The following GRID2 variants were observed in gnomAD, a reference collection of about 807,000 sequenced individuals.
GRID2 encodes the protein glutamate ionotropic receptor delta type subunit 2.
GRID2 carries 33 observed loss-of-function variants against 114.8 expected under a neutral mutation model. The ratio of observed to expected loss-of-function variants is 0.29; its 90% confidence interval spans 0.22 to 0.38. GRID2 has a LOEUF of 0.38. Ranked by LOEUF, GRID2 falls within the 10% of genes least tolerant of loss-of-function variation. The pLI, the probability that GRID2 is intolerant of heterozygous loss-of-function variation, is 1.00. For synonymous variants in GRID2, 505 were observed against 449.9 expected (o/e 1.12, Z -1.55); for missense variants, 1,184 against 1,257.7 (o/e 0.94, Z 0.89).
At chr4:92,591,348 AC>A (rs1651532271) in intron 2 of GRID2, among the ~76,000 whole-genome samples, 1 of 152,162 alleles carries the variant, frequency 6.6e-6, no homozygotes, top group African/African-American at 2.4e-5. Flanking sequence ...AATTTATGTT[AC>A]TTATAAATTA....
chr4:92,662,631 T>C (rs1420718881), intron 2 of GRID2, among the ~76,000 whole-genome samples: 1 of 151,204 alleles, frequency 6.6e-6, no homozygotes, highest in Admixed American at 6.6e-5. Context: ...ATTGGGATAT[T>C]ATTGTGAATC....
intron 1 of GRID2, among the ~76,000 whole-genome samples, chr4:92,384,580 A>AT (rs1729818850): frequency 1.7e-5 from 1 of 57,986 alleles, no homozygotes; most frequent in Non-Finnish European, 3.0e-5. Flanking sequence ...TATATAAAAT[A>AT]TATTATATTA....
At chr4:92,431,157 G>A (rs929398779) in intron 1 of GRID2, among the ~76,000 whole-genome samples, 7 of 152,178 alleles carry the variant, frequency 4.6e-5, no homozygotes, top group Non-Finnish European at 8.8e-5. Flanking sequence ...TACAAGTGGT[G>A]AAAGTGGGCA....
chr4:93,440,740 G>A (rs1322351320), intron 10 of GRID2, among the ~76,000 whole-genome samples: 1 of 152,106 alleles, frequency 6.6e-6, no homozygotes, highest in Non-Finnish European at 1.5e-5. Context: ...AAATTATGTA[G>A]ATGCAAATGA....
At chr4:93,189,150 G>A (rs933184601) in intron 4 of GRID2, among the ~76,000 whole-genome samples, 1 of 152,112 alleles carries the variant, frequency 6.6e-6, no homozygotes, top group African/African-American at 2.4e-5. Context: ...TGTTATAGCA[G>A]CACCCCAGTT....
chr4:93,409,757 C>A (rs931948219), intron 9 of GRID2, among the ~76,000 whole-genome samples: 1 of 152,178 alleles, frequency 6.6e-6, no homozygotes, highest in Non-Finnish European at 1.5e-5. Context: ...AGAATATGAA[C>A]TTCAGCACCA....
chr4:92,546,602 G>T (rs534454666), intron 1 of GRID2, among the ~76,000 whole-genome samples: 1 of 152,290 alleles, frequency 6.6e-6, no homozygotes, highest in Non-Finnish European at 1.5e-5. Flanking sequence ...ACGTAGTTGT[G>T]TTTTTCAAAA....
chr4:92,501,893 G>C (rs1318141581), intron 1 of GRID2, among the ~76,000 whole-genome samples: 1 of 152,132 alleles, frequency 6.6e-6, no homozygotes, highest in Non-Finnish European at 1.5e-5. Context: ...GATGACATAT[G>C]AAACAGTTTG....
intron 10 of GRID2, among the ~76,000 whole-genome samples, chr4:93,437,240 T>A (rs929027907): frequency 6.6e-6 from 1 of 152,150 alleles, no homozygotes; most frequent in African/African-American, 2.4e-5. Context: ...GTACTACTAT[T>A]ATCTCAATGT....
intron 1 of GRID2, among the ~76,000 whole-genome samples, chr4:92,519,380 C>T (rs1724660196): frequency 6.6e-6 from 1 of 151,510 alleles, no homozygotes; most frequent in Non-Finnish European, 1.5e-5. Flanking sequence ...CTAAAAATTA[C>T]CCTACCTAGA....
chr4:92,992,919 G>A (rs575980422), intron 2 of GRID2, among the ~76,000 whole-genome samples: 1 of 151,922 alleles, frequency 6.6e-6, no homozygotes. Flanking sequence ...ATTTTTCCCA[G>A]AGCTCTGCTA....
intron 1 of GRID2, among the ~76,000 whole-genome samples, chr4:93,786,544 CTG>C (rs1734595288): frequency 6.6e-6 from 1 of 152,146 alleles, no homozygotes; most frequent in African/African-American, 2.4e-5. Context: ...TTTTTTGTAA[CTG>C]CATGAAAGGC....
intron 13 of GRID2, among the ~76,000 whole-genome samples, chr4:93,520,201 A>G (rs1730193586): frequency 6.6e-6 from 1 of 152,160 alleles, no homozygotes; most frequent in Admixed American, 6.6e-5. Flanking sequence ...TATTGTTTCC[A>G]AGTCTCTGTT....
intron 14 of GRID2, among the ~76,000 whole-genome samples, chr4:93,745,135 A>G (rs1313999431): frequency 6.6e-6 from 1 of 152,172 alleles, no homozygotes; most frequent in African/African-American, 2.4e-5. Context: ...CTGAACCTGC[A>G]ATATCTCTGA....
intron 14 of GRID2, among the ~76,000 whole-genome samples, chr4:93,703,934 T>A (rs1007923811): frequency 6.6e-6 from 1 of 152,152 alleles, no homozygotes; most frequent in African/African-American, 2.4e-5. Flanking sequence ...TTTCCTATTG[T>A]GAATAGTGCC....
intron 8 of GRID2, among the ~76,000 whole-genome samples, chr4:93,319,122 C>T (rs900768096): frequency 6.6e-6 from 1 of 151,970 alleles, no homozygotes; most frequent in Non-Finnish European, 1.5e-5. Flanking sequence ...GATTACAGCA[C>T]ACTACTTAGT....
intron 2 of GRID2, among the ~76,000 whole-genome samples, chr4:92,600,044 G>GTGTATATATATA (rs1206780169): frequency 1.2e-3 from 65 of 54,412 alleles, no homozygotes; most frequent in Non-Finnish European, 1.8e-3. Flanking sequence ...GTGTGTGTGT[G>GTGTATATATATA]TATATATATA....
At chr4:93,731,560 T>C (rs1253043362) in intron 14 of GRID2, among the ~76,000 whole-genome samples, 2 of 152,034 alleles carry the variant, frequency 1.3e-5, no homozygotes, top group Non-Finnish European at 2.9e-5. Flanking sequence ...GCTAACTGAG[T>C]ACATTGTTTT....
intron 2 of GRID2, among the ~76,000 whole-genome samples, chr4:93,066,522 A>G (rs760609201): frequency 2.8e-4 from 42 of 151,948 alleles, no homozygotes; most frequent in Non-Finnish European, 1.6e-4. Flanking sequence ...TCCCTCGTTT[A>G]CAGGGAATAC....
Sources: allele counts gnomAD v4.1 joint callset (sites outside exome capture counted in the v4.1 genomes callset), GRCh38; gene constraint gnomAD v4.1.1; transcripts MANE v1.5; gene names NCBI Gene and HGNC (gene_info 2026-07-23, HGNC 2026-07-21).